Variants in TACC2 observed in about 807,000 individuals in gnomAD.
The protein encoded by TACC2 is transforming acidic coiled-coil containing protein 2, also known as transforming acidic coiled-coil-containing protein 2.
A neutral mutation model predicts 227.3 loss-of-function variants in TACC2; 137 were observed. That is an observed-to-expected ratio of 0.60 (90% confidence interval 0.52 to 0.69). The LOEUF is 0.69. TACC2 is among the 30% of genes least tolerant of loss of function. The pLI is 0.00. For synonymous variants in TACC2, 1,523 were observed against 1,487.5 expected (o/e 1.02, Z -0.55); for missense variants, 3,470 against 3,694.4 (o/e 0.94, Z 1.57).
At chr10:122,025,699 A>G (rs1258337192) in intron 2 of TACC2, among the ~76,000 whole-genome samples, 2 of 150,158 alleles carry the variant, frequency 1.3e-5, no homozygotes, top group Non-Finnish European at 3.0e-5. Context: ...TCAGTCTCCC[A>G]AGTAGCTGGG....
Position 122,021,988 on chromosome 10 carries a change from A to C in TACC2, c.7A>C (p.Asn3His). 6.2e-7 allele frequency: 1 copy of C among 1,614,152 alleles called. No homozygotes were observed. The highest frequency in any genetic ancestry group is 8.5e-7 in the Non-Finnish European group (1 of 1,180,016). Reference protein sequence around the residue: MGNENSTSDNQRT... With the variant: MGHENSTSDNQRT... ...CTGGGAACACTGAATCAACATGGGC[A>C]ATGAGAACAGCACCTCGGACAACCA... Residue 3 changes from asparagine (N) to histidine (H), a missense_variant, in exon 2 of 23, where the codon AAT becomes CAT. By Grantham distance (68) the Asn-to-His change is moderately conservative. Transcript: ENST00000369005.
chr10:122,066,524 C>T (rs938832167), intron 3 of TACC2, among the ~76,000 whole-genome samples: 7 of 152,160 alleles, frequency 4.6e-5, no homozygotes, highest in African/African-American at 9.7e-5. Context: ...GCCTTGGCCT[C>T]CCGAAGTGCT....
intron 6 of TACC2, among the ~76,000 whole-genome samples, chr10:122,133,510 T>A (rs12246969): frequency 0.27 from 40,687 of 152,088 alleles, 6,228 homozygotes; most frequent in Middle Eastern, 0.4. Flanking sequence ...TGTCTACATG[T>A]CTATACACAC....
Position 122,241,804 on chromosome 10 carries a change from C to T in TACC2, c.8349-154C>T, listed in dbSNP as rs1009470045. On this transcript the variant is annotated intron_variant, in intron 18 of 22. Transcript: ENST00000369005. ...GAGTGGCATATTTAGAGTCACGCACCAGGAAAATGAGCGTGCAGGGCGAGG... is the reference window on the plus strand; with the variant it reads ...GAGTGGCATATTTAGAGTCACGCACTAGGAAAATGAGCGTGCAGGGCGAGG... 20 of 711,570 alleles carry T rather than the reference C, an allele frequency of 2.8e-5. 1 individual carries two copies. The highest frequency in any genetic ancestry group is 2.6e-4 in the African/African-American group (15 of 57,786). 44.1% of individuals were successfully genotyped at this position (711,570 alleles called of 1,614,324 possible). A position where few individuals can be genotyped will look rare whatever the true frequency, so the allele number is the denominator to read the frequency against.
chr10:122,234,715 A>G (rs2095824138), intron 16 of TACC2, among the ~76,000 whole-genome samples: 2 of 152,178 alleles, frequency 1.3e-5, no homozygotes, highest in African/African-American at 2.4e-5. Flanking sequence ...TAGAAACCCC[A>G]TTATTTTACT....
At chr10:121,993,966 A>G (rs1197028441) in intron 1 of TACC2, among the ~76,000 whole-genome samples, 1 of 152,140 alleles carries the variant, frequency 6.6e-6, no homozygotes, top group African/African-American at 2.4e-5. Context: ...AAACAATAGT[A>G]TATCATACAC....
At chr10:122,137,415 G>A (rs954208862) in intron 6 of TACC2, among the ~76,000 whole-genome samples, 13 of 152,076 alleles carry the variant, frequency 8.5e-5, no homozygotes, top group African/African-American at 3.1e-4. Context: ...CCCAGGAGAT[G>A]GAGGTTGCAG....
chr10:122,180,000 G>A (rs530791171), intron 7 of TACC2, among the ~76,000 whole-genome samples: 4 of 152,002 alleles, frequency 2.6e-5, no homozygotes, highest in Admixed American at 1.3e-4. Flanking sequence ...TCAGAGGATC[G>A]CTTGAGCCCA....
intron 17 of TACC2, 27 bp downstream of exon 17, chr10:122,237,565 C>T: frequency 1.3e-6 from 2 of 1,593,302 alleles, no homozygotes; most frequent in Non-Finnish European, 1.7e-6. Flanking sequence ...TGTAATTACC[C>T]TCTTCCTGCC....
intron 8 of TACC2, among the ~76,000 whole-genome samples, chr10:122,198,701 C>T (rs1165304184): frequency 1.3e-5 from 2 of 152,250 alleles, no homozygotes; most frequent in Admixed American, 6.5e-5. Context: ...ACCCAGGCCT[C>T]CCCACTTCCA....
intron 11 of TACC2, among the ~76,000 whole-genome samples, chr10:122,219,578 G>A (rs933699108): frequency 7.9e-5 from 12 of 152,166 alleles, no homozygotes; most frequent in Non-Finnish European, 1.8e-4. Context: ...CATCACCTGC[G>A]TCAGATGTGG....
Position 122,150,064 on chromosome 10 carries a change from G to C in TACC2, c.5834+6358G>C, listed in dbSNP as rs2091877119. Among the ~76,000 whole-genome samples, 3 of 152,330 alleles carry C rather than the reference G, an allele frequency of 2.0e-5. No individual in the cohort carries two copies. The highest frequency in any genetic ancestry group is 2.4e-5 in the African/African-American group (1 of 41,590). ...GAGCAGGAGCAGAGGGCGTCAGTTA[G>C]ATGGTGGCTCCCTCAGTTCCGTGGG... On this transcript the variant is annotated intron_variant, in intron 7 of 22. Transcript: ENST00000369005. The surrounding 1 kb of genome is among the most constrained non-coding windows in gnomAD (Gnocchi z 4.0).
In TACC2 at chr10:122,241,970, C is replaced by T. The variant is rs775552173; in HGVS notation, c.8361C>T (p.Ala2787=). 1.7e-5 allele frequency: 27 copies of T among 1,613,996 alleles called. No homozygotes were observed. The highest frequency in any genetic ancestry group is 2.2e-5 in the South Asian group (2 of 91,082). ...ACTTCTCTTATAGGAAAATAGTGGC[C>T]GAGTATGAGAAGACCATCGCTCAGA... is the stretch of plus-strand genomic sequence containing the variant. ...REVMEMRKIV[A]EYEKTIAQMI... is the part of the protein sequence containing the mutation. Residue 2787 remains alanine, a synonymous_variant, in exon 19 of 23, where the codon GCC becomes GCT. Transcript: ENST00000369005.
At chr10:122,005,844 C>T (rs530599898) in intron 1 of TACC2, among the ~76,000 whole-genome samples, 1 of 152,078 alleles carries the variant, frequency 6.6e-6, no homozygotes, top group East Asian at 2.0e-4. Context: ...TAGTTGTGCA[C>T]CACCATGCCC....
chr10:122,203,883 A>G (rs2094991846), intron 8 of TACC2, among the ~76,000 whole-genome samples: 1 of 152,070 alleles, frequency 6.6e-6, no homozygotes, highest in East Asian at 1.9e-4. Flanking sequence ...GCACTGAGTG[A>G]ACGAGACTCC....
At chr10:122,147,135 C>T (rs1394838041) in intron 7 of TACC2, among the ~76,000 whole-genome samples, 1 of 151,788 alleles carries the variant, frequency 6.6e-6, no homozygotes, top group Non-Finnish European at 1.5e-5. Flanking sequence ...TGTTGACTGT[C>T]TCCACTGTAA....
At chr10:122,190,158 A>T (rs2094356641) in intron 7 of TACC2, among the ~76,000 whole-genome samples, 1 of 152,220 alleles carries the variant, frequency 6.6e-6, no homozygotes, top group African/African-American at 2.4e-5. Flanking sequence ...TGTGTATATT[A>T]TGTATGTGTG....
At chr10:122,213,024 C>G (rs2141061027) in intron 9 of TACC2, among the ~76,000 whole-genome samples, 1 of 152,360 alleles carries the variant, frequency 6.6e-6, no homozygotes, top group East Asian at 1.9e-4. Flanking sequence ...TCCCCAGTCA[C>G]TTTCTTGTTT....
chr10:122,172,605 CT>C (rs1374420826), intron 7 of TACC2, among the ~76,000 whole-genome samples: 9 of 152,216 alleles, frequency 5.9e-5, no homozygotes, highest in Non-Finnish European at 7.3e-5. Context: ...ATTAACTTTA[CT>C]TTAGGGAAAA....
Sources: gnomAD v4.1 joint callset for allele counts (sites outside exome capture counted in the v4.1 genomes callset) on GRCh38, gnomAD v4.1.1 for gene constraint, Gnocchi (gnomAD v3.1) non-coding constraint, MANE v1.5 for transcripts, NCBI Gene and HGNC (gene_info 2026-07-23, HGNC 2026-07-21) for gene names.